Variants in INTS10 observed in about 807,000 individuals in gnomAD.
INTS10 encodes integrator complex subunit 10, also known as chromosome 8 open reading frame 35.
Under a neutral mutation model 94.4 loss-of-function variants are expected in INTS10, and 44 were observed. The observed-to-expected ratio is 0.47, with a 90% CI of 0.37 to 0.60. The LOEUF (loss-of-function observed/expected upper bound fraction) is 0.60, where lower values mean the gene tolerates loss of function less well. Among genes scored for constraint, INTS10 ranks in the 20% least tolerant of loss-of-function variants. The pLI is 0.00. For missense variants in INTS10, 797 were observed against 868.7 expected, an observed-to-expected ratio of 0.92 and a Z score of 1.04; for synonymous variants, 341 against 320.7, an observed-to-expected ratio of 1.06 and a Z score of -0.68.
Position 19,820,429 on chromosome 8 carries a change from G to T in INTS10, c.352G>T (p.Val118Phe), listed in dbSNP as rs369667240. ...GGTCCAGTGTGAAATGTTACTAAAG[G>T]TCACGGAACAATGCTTCAACACGTT... The part of the protein sequence containing the change: ...GRVQCEMLLK[V>F]TEQCFNTLER... Residue 118 changes from valine (V) to phenylalanine (F), a missense_variant, in exon 4 of 17, where the codon GTC (valine) becomes TTC (phenylalanine). Transcript: ENST00000397977. 1.2e-6 allele frequency: 2 copies of T among 1,613,478 alleles called. No individual in the cohort carries two copies. The highest frequency in any genetic ancestry group is 8.5e-7 in the Non-Finnish European group (1 of 1,179,492).
intron 14 of INTS10, 26 bp from the exon 15 acceptor site, chr8:19,844,050 G>T: frequency 6.4e-7 from 1 of 1,555,616 alleles, no homozygotes; most frequent in African/African-American, 1.4e-5. Flanking sequence ...TTTTCCTTCT[G>T]TCTTGTATAA....
chr8:19,825,097 A>G (rs2066689292), intron 8 of INTS10, 125 bp downstream of exon 8: 2 of 751,658 alleles, frequency 2.7e-6, no homozygotes, highest in Admixed American at 2.9e-5. Context: ...AGTCCTTTTT[A>G]TAGTTGGCGA....
chr8:19,842,710 A>G, intron 13 of INTS10, 138 bp from the exon 14 acceptor site: 1 of 579,376 alleles, frequency 1.7e-6, no homozygotes, highest in Non-Finnish European at 3.1e-6. Context: ...ATTGTGTTTC[A>G]AATATAATTG....
intron 9 of INTS10, among the ~76,000 whole-genome samples, chr8:19,828,019 G>A (rs1423199493): frequency 2.0e-5 from 3 of 151,836 alleles, no homozygotes; most frequent in Admixed American, 1.3e-4. Flanking sequence ...GACCCACCTG[G>A]GCAATATAGT....
chr8:19,847,315 C>T (rs942031962), intron 16 of INTS10, among the ~76,000 whole-genome samples: 1 of 152,206 alleles, frequency 6.6e-6, no homozygotes, highest in Admixed American at 6.5e-5. Context: ...TGGCATCTTC[C>T]AATCCCCATT....
chr8:19,826,429 C>T lies in INTS10; in HGVS notation c.1010C>T (p.Pro337Leu). ...TGGTGTTTTTCCCCGTCCTTAGGTC[C>T]TAATGCCCCGAGCCAAGTTCCACTG... ...NSIQPSLFQG[P>L]NAPSQVPLVL... is the part of the protein sequence containing the mutation. Residue 337 changes from proline (P) to leucine (L), a missense_variant, in exon 9 of 17, where the codon CCT (proline) becomes CTT (leucine). Around this residue, in one of 3 missense-constraint regions of INTS10, gnomAD observed 734 missense variants for 787.8 expected, o/e 0.93. Transcript: ENST00000397977. 2 of 1,609,330 alleles carry T rather than the reference C, an allele frequency of 1.2e-6. No homozygotes were observed. The highest frequency in any genetic ancestry group is 1.7e-6 in the Non-Finnish European group (2 of 1,178,620).
intron 9 of INTS10, among the ~76,000 whole-genome samples, chr8:19,827,936 G>C (rs1200726665): frequency 6.6e-6 from 1 of 152,096 alleles, no homozygotes; most frequent in Non-Finnish European, 1.5e-5. Context: ...ACCAGGCTGG[G>C]TGCAGTGGCT....
In INTS10 at chr8:19,843,336, A is replaced by C. The variant is rs1256624930; in HGVS notation, c.1719+409A>C. 6.6e-6 allele frequency among the ~76,000 whole-genome samples: 1 copy of C among 152,186 alleles called. No homozygotes were observed. Among genetic ancestry groups the C allele is most frequent in the Non-Finnish European group, 1.5e-5 (1 of 68,032 alleles). ...GTTAGGTGTTGAGATCAACACCAGT[A>C]ACAGCCCAACAGTTGGGAAAGTTCC... On this transcript the variant is annotated intron_variant, in intron 14 of 16. Coordinates refer to ENST00000397977, the MANE Select transcript of INTS10 (RefSeq NM_018142.4). The surrounding 1 kb of genome is among the most constrained non-coding windows in gnomAD (Gnocchi z 4.7).
At chr8:19,827,992 C>A (rs946647700) in intron 9 of INTS10, among the ~76,000 whole-genome samples, 1 of 151,990 alleles carries the variant, frequency 6.6e-6, no homozygotes, top group Non-Finnish European at 1.5e-5. Flanking sequence ...AGGAGGATCA[C>A]CAGCCCAGGA....
At chr8:19,826,079 T>A (rs929910320) in intron 8 of INTS10, among the ~76,000 whole-genome samples, 19 of 152,082 alleles carry the variant, frequency 1.2e-4, no homozygotes, top group African/African-American at 4.6e-4. Flanking sequence ...CATTTTTAAA[T>A]TTTTTTTAAT....
intron 1 of INTS10, 40 bp downstream of exon 1, chr8:19,817,706 G>A (rs1363584766): frequency 6.3e-7 from 1 of 1,580,580 alleles, no homozygotes; most frequent in Non-Finnish European, 8.6e-7. Context: ...CTGCGTGGAG[G>A]TGCGCGCTCC....
chr8:19,826,393 C>T (rs1563361553), intron 8 of INTS10, 33 bp from the exon 9 acceptor site: 1 of 1,582,932 alleles, frequency 6.3e-7, no homozygotes, highest in Non-Finnish European at 8.6e-7. Flanking sequence ...CCTTGCTGCA[C>T]TGGTAAGTGT....
intron 9 of INTS10, among the ~76,000 whole-genome samples, chr8:19,828,875 T>C (rs1189032155): frequency 6.6e-6 from 1 of 151,992 alleles, no homozygotes; most frequent in Non-Finnish European, 1.5e-5. Flanking sequence ...AGGTTTTGAT[T>C]GGAAAAGGTG....
At chr8:19,842,687 A>G (rs1315805264) in intron 13 of INTS10, among the ~76,000 whole-genome samples, 161 bp from the exon 14 acceptor site, 4 of 152,248 alleles carry the variant, frequency 2.6e-5, no homozygotes, top group South Asian at 2.1e-4. Context: ...CAATTTCACC[A>G]TCACAAAGTA....
rs2067857608 is a variant in INTS10 at position 19,838,563 on chromosome 8, G to A, written c.1639+1403G>A. 2.6e-5 allele frequency among the ~76,000 whole-genome samples: 4 copies of A among 152,060 alleles called. No homozygotes were observed. In the South Asian group the frequency reaches 8.3e-4, roughly 32 times the overall value. On this transcript the variant is annotated intron_variant, in intron 13 of 16. Transcript: ENST00000397977. Reference sequence around the variant, plus strand: ...CACAAACTCTTATCAGAAAATAGAGGAAGAGTCCCAATTCATTTTTAAAGG... The same window carrying A: ...CACAAACTCTTATCAGAAAATAGAGAAAGAGTCCCAATTCATTTTTAAAGG...
intron 1 of INTS10, 80 bp downstream of exon 1, chr8:19,817,746 G>A (rs2066036548): frequency 4.6e-6 from 7 of 1,515,306 alleles, no homozygotes; most frequent in Non-Finnish European, 2.7e-6. Context: ...GCCCAGAGCT[G>A]CGCCTGCCTG....
chr8:19,826,546 G>A lies in INTS10; in HGVS notation c.1127G>A (p.Arg376Lys), dbSNP rs1282683063. Residue 376 changes from arginine (R) to lysine (K), a missense_variant, in exon 9 of 17, where the codon AGA (arginine) becomes AAA (lysine). By Grantham distance (26) the Arg-to-Lys change is conservative. This residue lies in a region of INTS10 where 734 missense variants were observed against 787.8 expected (regional missense o/e 0.93). Transcript: ENST00000397977. ...IHKKRKLAEGREKTMSSDDED... is the reference protein window; with the variant it reads ...IHKKRKLAEGKEKTMSSDDED... Reference sequence around the variant, plus strand: ...AAAAAGAGGAAACTAGCTGAAGGAAGAGAAAAAACCATGGTAAGGCTTTCA... The same window carrying A: ...AAAAAGAGGAAACTAGCTGAAGGAAAAGAAAAAACCATGGTAAGGCTTTCA... 2 of 1,610,590 alleles carry A rather than the reference G, an allele frequency of 1.2e-6. No homozygotes were observed. The highest frequency in any genetic ancestry group is 1.7e-6 in the Non-Finnish European group (2 of 1,179,026).
Position 19,822,402 on chromosome 8 carries a change from G to C in INTS10, c.442-37G>C, listed in dbSNP as rs150193176. The C allele has an allele frequency of 4.1e-4, 522 of 1,270,068 alleles. 2 individuals are homozygous for C. The African/African-American group carries it at 6.6e-3, about 16-fold the overall frequency. 78.7% of individuals were successfully genotyped at this position (1,270,068 alleles called of 1,614,324 possible). A position where few individuals can be genotyped will look rare whatever the true frequency, so the allele number is the denominator to read the frequency against. On this transcript the variant is annotated intron_variant, in intron 4 of 16. Transcript: ENST00000397977. Reference sequence around the variant, plus strand: ...TCATATAGTTCTGACAACTTATGCTGTAACACATTTAAATGAGTAATTTTG... The same window carrying C: ...TCATATAGTTCTGACAACTTATGCTCTAACACATTTAAATGAGTAATTTTG...
intron 11 of INTS10, among the ~76,000 whole-genome samples, chr8:19,832,667 A>G (rs2067321536): frequency 6.6e-6 from 1 of 152,176 alleles, no homozygotes; most frequent in African/African-American, 2.4e-5. Flanking sequence ...TAAGATTTTT[A>G]CTTTTCGGTA....
Sources: allele counts gnomAD v4.1 joint callset (sites outside exome capture counted in the v4.1 genomes callset), GRCh38; gene constraint gnomAD v4.1.1; regional missense constraint gnomAD v4.1.1; non-coding constraint Gnocchi (gnomAD v3.1); transcripts MANE v1.5; gene names NCBI Gene and HGNC (gene_info 2026-07-23, HGNC 2026-07-21).